ANXA1: variants seen among roughly 807,000 people sequenced by gnomAD.
ANXA1 encodes annexin I (lipocortin I).
ANXA1 carries 39 observed loss-of-function variants against 47.9 expected under a neutral mutation model. That is an observed-to-expected ratio of 0.81 (90% CI 0.63 to 1.06). The LOEUF is 1.06. ANXA1 is among the 50% of genes least tolerant of loss of function. The probability of loss-of-function intolerance (pLI) is 0.00; values close to 1 mark genes in which losing one functional copy is unlikely to be tolerated. For missense variants in ANXA1, 446 were observed against 422.7 expected (o/e 1.06, Z -0.48); for synonymous variants, 146 against 142.5 (o/e 1.02, Z -0.17).
chr9:73,169,544 A>G (rs1016124406), intron 12 of ANXA1, among the ~76,000 whole-genome samples: 12 of 152,150 alleles, frequency 7.9e-5, no homozygotes, highest in African/African-American at 2.7e-4. Context: ...TTTAAAATTT[A>G]TGTTCAAATT....
intron 1 of ANXA1, among the ~76,000 whole-genome samples, chr9:73,156,950 A>G (rs1181975936): frequency 6.6e-6 from 1 of 152,164 alleles, no homozygotes; most frequent in Non-Finnish European, 1.5e-5. Context: ...GAACACATTA[A>G]TTTTCAATAT....
At chr9:73,156,966 A>T (rs1824057825) in intron 1 of ANXA1, among the ~76,000 whole-genome samples, 1 of 152,224 alleles carries the variant, frequency 6.6e-6, no homozygotes, top group African/African-American at 2.4e-5. Context: ...AATATACTTA[A>T]GATCTTAAAA....
rs1181661198 is a variant in ANXA1 at position 73,158,518 on chromosome 9, C to A, written c.-14-4C>A. ...GTAAAAGCATCTAACTGTTTTCTTT[C>A]CAGACACTTTTTCAAAAATGGCAAT... is the stretch of plus-strand genomic sequence containing the variant. On this transcript the variant is annotated splice_region_variant and splice_polypyrimidine_tract_variant and intron_variant, in intron 1 of 12. Coordinates refer to ENST00000257497, the MANE Select transcript of ANXA1 (RefSeq NM_000700.3). 1 of 1,612,126 alleles carries A rather than the reference C, an allele frequency of 6.2e-7. No individual in the cohort carries two copies. Among genetic ancestry groups the A allele is most frequent in the East Asian group, 2.2e-5 (1 of 44,834 alleles).
At chr9:73,162,985 G>T in intron 7 of ANXA1, 124 bp downstream of exon 7, 1 of 783,342 alleles carries the variant, frequency 1.3e-6, no homozygotes, top group East Asian at 2.7e-5. Flanking sequence ...AGGTTTATTT[G>T]GCTCAGGATT....
chr9:73,154,159 T>G, intron 1 of ANXA1: 1 of 409,204 alleles, frequency 2.4e-6, no homozygotes, highest in Non-Finnish European at 4.4e-6. Flanking sequence ...TTTCTGTAAG[T>G]CATGCCATTG....
intron 1 of ANXA1, chr9:73,158,093 C>G (rs1305346529): frequency 6.2e-6 from 1 of 162,466 alleles, no homozygotes; most frequent in African/African-American, 2.4e-5. Flanking sequence ...TTATGTTTTC[C>G]TATGGAGAGC....
intron 4 of ANXA1, chr9:73,159,947 A>T: frequency 5.3e-6 from 1 of 186,970 alleles, no homozygotes; most frequent in Non-Finnish European, 1.1e-5. Flanking sequence ...AAGTAATTTT[A>T]CTTCTGTTTT....
Position 73,159,317 on chromosome 9 carries a change from C to G in ANXA1, c.176-12C>G. 5.0e-6 allele frequency: 8 copies of G among 1,610,936 alleles called. No individual in the cohort carries two copies. Among genetic ancestry groups the G allele is most frequent in the Non-Finnish European group, 5.9e-6 (7 of 1,177,682 alleles). On this transcript the variant is annotated splice_polypyrimidine_tract_variant and intron_variant, in intron 3 of 12. Coordinates refer to ENST00000257497, the MANE Select transcript of ANXA1 (RefSeq NM_000700.3). ...AAATTGGTGTTAAAGGCTGTTGGCC[C>G]TTTATTTCCAGGTGTGGATGAAGCA...
At chr9:73,161,872 C>T (rs754624475) in intron 6 of ANXA1, among the ~76,000 whole-genome samples, 39 of 151,944 alleles carry the variant, frequency 2.6e-4, no homozygotes, top group African/African-American at 4.8e-5. Flanking sequence ...TATTACATTG[C>T]CCAGTTTCAA....
At chr9:73,155,581 T>C (rs986244211) in intron 1 of ANXA1, among the ~76,000 whole-genome samples, 3 of 152,200 alleles carry the variant, frequency 2.0e-5, no homozygotes, top group African/African-American at 7.2e-5. Flanking sequence ...ACCAGCTGTA[T>C]GTGATAAAAT....
At chr9:73,169,819 A>G (rs1250636882) in intron 12 of ANXA1, among the ~76,000 whole-genome samples, 4 of 152,148 alleles carry the variant, frequency 2.6e-5, no homozygotes, top group African/African-American at 9.7e-5. Context: ...TAATGGCACT[A>G]ATATAAAACA....
At chr9:73,167,455 T>C (rs1355413624) in intron 10 of ANXA1, 42 bp from the exon 11 acceptor site, 1 of 1,579,854 alleles carries the variant, frequency 6.3e-7, no homozygotes, top group Non-Finnish European at 8.7e-7. Context: ...ATTTCATTTT[T>C]TTCATGGTAA....
At chr9:73,165,532 CAA>C (rs111672053) in intron 9 of ANXA1, 33 of 108,730 alleles carry the variant, frequency 3.0e-4, no homozygotes, top group South Asian at 5.7e-4. Context: ...TGAAGAAAAA[CAA>C]AAAAAAAAAA....
At chr9:73,163,674 T>C in intron 8 of ANXA1, 142 bp downstream of exon 8, 1 of 745,594 alleles carries the variant, frequency 1.3e-6, no homozygotes, top group Non-Finnish European at 2.1e-6. Context: ...ATGAGGCATG[T>C]CTTTCTGTAG....
At chr9:73,163,387 A>G in intron 7 of ANXA1, 89 bp from the exon 8 acceptor site, 1 of 1,323,068 alleles carries the variant, frequency 7.6e-7, no homozygotes, top group Admixed American at 2.0e-5. Flanking sequence ...TTTCTCAAAA[A>G]ATATTATTTA....
chr9:73,170,050 G>A lies in ANXA1; in HGVS notation c.985-1G>A. 6 of 1,602,422 alleles carry A rather than the reference G, an allele frequency of 3.7e-6. No individual in the cohort carries two copies. The highest frequency in any genetic ancestry group is 5.1e-6 in the Non-Finnish European group (6 of 1,174,448). ...AAGTATACCTTTTTTTGAATCAACA[G>A]GATGAAACCAAAGGAGATTATGAGA... On this transcript the variant is annotated splice_acceptor_variant, in intron 12 of 12. Transcript: ENST00000257497. LOFTEE classifies it high-confidence loss of function.
chr9:73,153,553 A>C (rs1161143565), intron 1 of ANXA1, among the ~76,000 whole-genome samples: 1 of 152,224 alleles, frequency 6.6e-6, no homozygotes, highest in Non-Finnish European at 1.5e-5. Flanking sequence ...TAATTACTTC[A>C]ACATTCTTAT....
At chr9:73,163,060 C>A (rs1252294534) in intron 7 of ANXA1, among the ~76,000 whole-genome samples, 199 bp downstream of exon 7, 2 of 152,128 alleles carry the variant, frequency 1.3e-5, no homozygotes, top group African/African-American at 4.8e-5. Flanking sequence ...TGCTTCCACT[C>A]CTGACAGAAG....
chr9:73,170,166 T>G lies in ANXA1; in HGVS notation c.*59T>G. The G allele has an allele frequency of 6.9e-7, 1 of 1,450,784 alleles. No individual in the cohort carries two copies. Among genetic ancestry groups the G allele is most frequent in the Non-Finnish European group, 9.4e-7 (1 of 1,062,418 alleles). 89.9% of individuals were successfully genotyped at this position (1,450,784 alleles called of 1,614,324 possible). On this transcript the variant is annotated 3_prime_UTR_variant, in exon 13 of 13. Coordinates refer to ENST00000257497, the MANE Select transcript of ANXA1 (RefSeq NM_000700.3). ...AGACTTTAATTATATATTTTCATCC[T>G]ATAAGCTTAAATAGGAAAGTTTCTT...
Sources: gnomAD v4.1 joint callset for allele counts (sites outside exome capture counted in the v4.1 genomes callset) on GRCh38, gnomAD v4.1.1 for gene constraint, MANE v1.5 for transcripts, NCBI Gene and HGNC (gene_info 2026-07-23, HGNC 2026-07-21) for gene names.